The following EML5 variants were observed in gnomAD, a reference collection of about 807,000 sequenced individuals.
EML5 encodes echinoderm microtubule-associated protein-like 5.
In EML5, 120 loss-of-function variants were observed where a neutral mutation model predicts 250.0. That is an observed-to-expected ratio of 0.48 (90% CI 0.41 to 0.56). The LOEUF is 0.56. Among genes scored for constraint, EML5 ranks in the 20% least tolerant of loss-of-function variants. The pLI, the probability that EML5 is intolerant of heterozygous loss-of-function variation, is 0.00. For synonymous variants in EML5, 771 were observed against 806.5 expected (o/e 0.96, Z 0.75); for missense variants, 2,006 against 2,437.6 (o/e 0.82, Z 3.73).
rs573701338 is a variant in EML5, at chr14:88,782,938, G to A, written c.197+9369C>T. Among the ~76,000 whole-genome samples the A allele has an allele frequency of 2.6e-5, 4 of 152,254 alleles. No individual in the cohort carries two copies. The South Asian group carries it at 8.3e-4, about 32-fold the overall frequency. On this transcript the variant is annotated intron_variant, in intron 1 of 43. Transcript: ENST00000554922. ...CTACAAAAAATACAGAATTAGTCAG[G>A]TGTGGTGGCACACACCTGTAGTCCC...
chr14:88,716,788 T>C (rs993343134), intron 8 of EML5, among the ~76,000 whole-genome samples: 1 of 151,608 alleles, frequency 6.6e-6, no homozygotes, highest in African/African-American at 2.4e-5. Flanking sequence ...AGAGAGAGAT[T>C]GTGGTTGACT....
Position 88,630,644 on chromosome 14 carries a change from C to T in EML5, c.4358-2825G>A, listed in dbSNP as rs76455733. ...TTAAACCAATCAGCACATGGTATTC[C>T]CCTAGTATCTTCTCAGTTCGCAGTT... is the stretch of plus-strand genomic sequence containing the variant. On this transcript the variant is annotated intron_variant, in intron 33 of 43. Coordinates refer to ENST00000554922, the MANE Select transcript of EML5 (RefSeq NM_183387.3). Among the ~76,000 whole-genome samples, 18 of 152,274 alleles carry T rather than the reference C, an allele frequency of 1.2e-4. No homozygotes were observed. The East Asian group carries it at 3.3e-3, about 28-fold the overall frequency.
chr14:88,638,911 C>T lies in EML5; in HGVS notation c.4238-4G>A, dbSNP rs778152551. 3.2e-6 allele frequency: 5 copies of T among 1,554,790 alleles called. No homozygotes were observed. The highest frequency in any genetic ancestry group is 4.3e-6 in the Non-Finnish European group (5 of 1,152,386). On this transcript the variant is annotated splice_region_variant and splice_polypyrimidine_tract_variant and intron_variant, in intron 31 of 43. Transcript: ENST00000554922. Reference sequence around the variant, plus strand: ...TCCTGATAAAAACTCTGAGAACCTACAAAAAAGAATTTGAGAATTAAGTTT... The same window carrying T: ...TCCTGATAAAAACTCTGAGAACCTATAAAAAAGAATTTGAGAATTAAGTTT...
At chr14:88,783,908 G>A (rs2094523998) in intron 1 of EML5, among the ~76,000 whole-genome samples, 1 of 152,118 alleles carries the variant, frequency 6.6e-6, no homozygotes, top group Non-Finnish European at 1.5e-5. Context: ...ACTGTGTGTT[G>A]GGTCATAAGA....
intron 8 of EML5, among the ~76,000 whole-genome samples, chr14:88,725,600 A>T (rs2140072273): frequency 6.6e-6 from 1 of 152,300 alleles, no homozygotes; most frequent in East Asian, 1.9e-4. Context: ...AAGGATTATG[A>T]GCTGCATCCT....
At chr14:88,633,592 TTG>T (rs2090557227) in intron 33 of EML5, among the ~76,000 whole-genome samples, 1 of 152,134 alleles carries the variant, frequency 6.6e-6, no homozygotes, top group East Asian at 1.9e-4. Context: ...TGAATTATAA[TTG>T]TGTTACTGGA....
chr14:88,624,508 G>A (rs988368410), intron 36 of EML5: 4 of 156,096 alleles, frequency 2.6e-5, no homozygotes, highest in African/African-American at 9.6e-5. Flanking sequence ...GTATAAAACA[G>A]TTTAAATTTG....
At chr14:88,618,608 CAGA>C (rs747336807) in intron 40 of EML5, 39 bp downstream of exon 40, 23 of 1,573,766 alleles carry the variant, frequency 1.5e-5, no homozygotes, top group Admixed American at 1.1e-4. Flanking sequence ...AATGTAAAAG[CAGA>C]AGAACTTGCC....
intron 10 of EML5, among the ~76,000 whole-genome samples, chr14:88,709,970 T>C (rs537019545): frequency 6.6e-6 from 1 of 152,210 alleles, no homozygotes; most frequent in African/African-American, 2.4e-5. Flanking sequence ...TCTCCAAATA[T>C]AAATTTTCAT....
At chr14:88,640,167 A>G (rs1453555271) in intron 31 of EML5, among the ~76,000 whole-genome samples, 1 of 152,192 alleles carries the variant, frequency 6.6e-6, no homozygotes, top group African/African-American at 2.4e-5. Context: ...TAGAAAACTA[A>G]CAAAGAAATT....
chr14:88,658,884 A>G (rs757462156), intron 25 of EML5, among the ~76,000 whole-genome samples: 5 of 152,302 alleles, frequency 3.3e-5, no homozygotes, highest in South Asian at 2.1e-4. Context: ...AGATACAATA[A>G]TTGAGAAAGG....
chr14:88,651,270 G>C (rs557136897), intron 27 of EML5, among the ~76,000 whole-genome samples: 5 of 150,010 alleles, frequency 3.3e-5, no homozygotes, highest in African/African-American at 1.2e-4. Context: ...TATTTAGCAG[G>C]GTTGAAATTG....
chr14:88,661,692 C>A lies in EML5; in HGVS notation c.3637G>T (p.Asp1213Tyr), dbSNP rs767580041. 4.3e-6 allele frequency: 7 copies of A among 1,613,078 alleles called. No individual in the cohort carries two copies. The highest frequency in any genetic ancestry group is 5.9e-6 in the Non-Finnish European group (7 of 1,179,660). Residue 1213 changes from aspartate to tyrosine, a missense_variant, in exon 25 of 44, where the codon GAT becomes TAT. By Grantham distance (160) the Asp-to-Tyr change is radical. Transcript: ENST00000554922. The part of the protein sequence containing the change: ...SDKMVLATGD[D>Y]LGFVKLFRYP... ...CTAAATAACTTCACAAATCCCAAAT[C>A]GTCCCCGGTAGCTAGAACCATTTTG...
intron 33 of EML5, among the ~76,000 whole-genome samples, chr14:88,631,953 T>C (rs969588135): frequency 6.6e-6 from 1 of 152,232 alleles, no homozygotes; most frequent in Admixed American, 6.5e-5. Context: ...CAGTTGATGA[T>C]ACAGGGAAAA....
chr14:88,717,508 C>T, intron 8 of EML5, among the ~76,000 whole-genome samples: 1 of 152,170 alleles, frequency 6.6e-6, no homozygotes, highest in East Asian at 1.9e-4. Context: ...CCTGTAATCC[C>T]AGCAGTTTGG....
chr14:88,693,364 A>G (rs551734653), intron 17 of EML5, among the ~76,000 whole-genome samples: 1 of 152,332 alleles, frequency 6.6e-6, no homozygotes, highest in South Asian at 2.1e-4. Context: ...ATGAGGAGCA[A>G]AGTCACGTCT....
intron 1 of EML5, among the ~76,000 whole-genome samples, chr14:88,760,751 T>C (rs943709960): frequency 4.6e-5 from 7 of 152,218 alleles, no homozygotes; most frequent in African/African-American, 1.2e-4. Context: ...TGAAGAGAAG[T>C]GACATCTTAA....
chr14:88,624,075 T>G (rs1468494133), intron 36 of EML5: 3 of 151,304 alleles, frequency 2.0e-5, no homozygotes, highest in Admixed American at 6.5e-5. Context: ...CATTTTTTTT[T>G]GTTTTTGTTT....
chr14:88,740,322 C>A, intron 5 of EML5, 65 bp downstream of exon 5: 1 of 1,372,868 alleles, frequency 7.3e-7, no homozygotes, highest in Non-Finnish European at 9.9e-7. Flanking sequence ...ATTACGCAGT[C>A]TATCATTCTA....
Sources: allele counts gnomAD v4.1 joint callset (sites outside exome capture counted in the v4.1 genomes callset), GRCh38; gene constraint gnomAD v4.1.1; transcripts MANE v1.5; gene names NCBI Gene and HGNC (gene_info 2026-07-23, HGNC 2026-07-21).